Variants in RBBP4 observed in about 807,000 individuals in gnomAD.
RBBP4 encodes histone-binding protein RBBP4.
In RBBP4, 3 loss-of-function variants were observed where a neutral mutation model predicts 57.2. The observed-to-expected ratio is 0.05, with a 90% confidence interval of 0.02 to 0.14. The LOEUF (loss-of-function observed/expected upper bound fraction) is 0.14. RBBP4 is among the 10% of genes least tolerant of loss of function. The pLI, the probability that RBBP4 is intolerant of heterozygous loss-of-function variation, is 1.00. For synonymous variants in RBBP4, 151 were observed against 171.5 expected (o/e 0.88, Z 0.93); for missense variants, 107 against 520.6 (o/e 0.21, Z 7.73).
rs781046984 is a variant in RBBP4 at position 32,671,889 on chromosome 1, G to A, written c.967-561G>A. Among the ~76,000 whole-genome samples the A allele has an allele frequency of 3.8e-4, 57 of 151,994 alleles. 1 individual carries two copies. Among genetic ancestry groups the A allele is most frequent in the Non-Finnish European group, 2.2e-4 (15 of 67,988 alleles). ...GCCTGGGTGACAGAGCAAGACTTCCGTCTCAAGAAAAAGTGTGCCAAAGGG... is the reference window on the plus strand; with the variant it reads ...GCCTGGGTGACAGAGCAAGACTTCCATCTCAAGAAAAAGTGTGCCAAAGGG... On this transcript the variant is annotated intron_variant, in intron 8 of 11. Transcript: ENST00000373493.
chr1:32,651,508 C>A, intron 1 of RBBP4, 186 bp downstream of exon 1: 1 of 1,341,850 alleles, frequency 7.5e-7, no homozygotes, highest in South Asian at 2.2e-5. Flanking sequence ...CGATTTCGGT[C>A]GCAGCTGGCG....
Position 32,681,661 on chromosome 1 carries a change from T to G in RBBP4, c.*1956T>G. 1 of 768,860 alleles carries G rather than the reference T, an allele frequency of 1.3e-6. No homozygotes were observed. Among genetic ancestry groups the G allele is most frequent in the Non-Finnish European group, 2.2e-6 (1 of 461,422 alleles). 47.6% of individuals were successfully genotyped at this position (768,860 alleles called of 1,614,324 possible). A position where few individuals can be genotyped will look rare whatever the true frequency, so the allele number is the denominator to read the frequency against. ...TAGAATCCAGCAAAGAGTTGACATG[T>G]TCTGCCTCCGGCCAACTCTAGAATC... On this transcript the variant is annotated 3_prime_UTR_variant, in exon 12 of 12. Coordinates refer to ENST00000373493, the MANE Select transcript of RBBP4 (RefSeq NM_005610.3).
Position 32,670,945 on chromosome 1 carries a change from A to C in RBBP4, c.966+1382A>C, listed in dbSNP as rs952947954. The stretch of plus-strand genomic sequence containing the variant: ...CCACCTTGGTGAACATTTTATCCTT[A>C]CCCTATCTCTTTGCTTTGCTTGTGA... On this transcript the variant is annotated intron_variant, in intron 8 of 11. Transcript: ENST00000373493. Among the ~76,000 whole-genome samples the C allele has an allele frequency of 5.3e-5, 8 of 151,884 alleles. 1 individual carries two copies. The highest frequency in any genetic ancestry group is 1.9e-4 in the African/African-American group (8 of 41,232).
intron 11 of RBBP4, among the ~76,000 whole-genome samples, chr1:32,673,790 A>G (rs915123146): frequency 6.6e-6 from 1 of 152,182 alleles, no homozygotes; most frequent in South Asian, 2.1e-4. Context: ...TGTCTCATAC[A>G]TTAATATTTT....
At chr1:32,673,066 CTG>C (rs1648941931) in intron 11 of RBBP4, among the ~76,000 whole-genome samples, 165 bp downstream of exon 11, 1 of 152,212 alleles carries the variant, frequency 6.6e-6, no homozygotes, top group South Asian at 2.1e-4. Flanking sequence ...CTGCTCTTGA[CTG>C]TATTTGGTCA....
chr1:32,662,358 T>C (rs932384834), intron 3 of RBBP4: 5 of 178,476 alleles, frequency 2.8e-5, no homozygotes, highest in Non-Finnish European at 6.2e-5. Context: ...CCACACCAGC[T>C]AATTTTTGTT....
At position 32,669,947 on chromosome 1, in the gene RBBP4, G is replaced by A. The variant is rs1648802201; in HGVS notation, c.966+384G>A. Among the ~76,000 whole-genome samples, 1 of 152,206 alleles carries A rather than the reference G, an allele frequency of 6.6e-6. No homozygotes were observed. The highest frequency in any genetic ancestry group is 1.5e-5 in the Non-Finnish European group (1 of 68,034). On this transcript the variant is annotated intron_variant, in intron 8 of 11. Transcript: ENST00000373493. The surrounding 1 kb of genome is among the most constrained non-coding windows in gnomAD (Gnocchi z 4.9). ...ATGAGTGGGCACACATGTGCTTTAT[G>A]CCGTTGCTAAAAATAGAAATCTATA...
chr1:32,674,320 A>C (rs1222328110), intron 11 of RBBP4, among the ~76,000 whole-genome samples: 3 of 152,036 alleles, frequency 2.0e-5, no homozygotes, highest in Non-Finnish European at 2.9e-5. Context: ...TGCAGCCTCC[A>C]ATTCCCGGGC....
intron 11 of RBBP4, among the ~76,000 whole-genome samples, chr1:32,674,069 C>G (rs1219059090): frequency 6.6e-6 from 1 of 152,208 alleles, no homozygotes; most frequent in Non-Finnish European, 1.5e-5. Flanking sequence ...TCACTGCACT[C>G]TGGCCTGGGC....
intron 11 of RBBP4, among the ~76,000 whole-genome samples, chr1:32,678,492 GCTGGGATTA>G (rs1187935087): frequency 6.8e-6 from 1 of 146,036 alleles, no homozygotes. Flanking sequence ...CTCCCAAAAT[GCTGGGATTA>G]CAGGCGTGTG....
chr1:32,684,187 A>T lies in RBBP4; in HGVS notation c.*4482A>T. 1 of 1,605,600 alleles carries T rather than the reference A, an allele frequency of 6.2e-7. No individual in the cohort carries two copies. The highest frequency in any genetic ancestry group is 1.1e-5 in the South Asian group (1 of 90,454). The stretch of plus-strand genomic sequence containing the variant: ...TTTTTGTTTTTGATTCTAAGGTAAA[A>T]TTTTCCCTAAGCCCTCCCACCATCC... On this transcript the variant is annotated 3_prime_UTR_variant, in exon 12 of 12. Coordinates refer to ENST00000373493, the MANE Select transcript of RBBP4 (RefSeq NM_005610.3).
intron 11 of RBBP4, among the ~76,000 whole-genome samples, chr1:32,677,116 A>G (rs1649135944): frequency 6.6e-6 from 1 of 152,140 alleles, no homozygotes; most frequent in Admixed American, 6.6e-5. Flanking sequence ...GAGTTTGCAG[A>G]GTGCTAGGAG....
At chr1:32,661,801 C>T (rs1648423108) in intron 3 of RBBP4, among the ~76,000 whole-genome samples, 1 of 23,460 alleles carries the variant, frequency 4.3e-5, no homozygotes, top group Non-Finnish European at 2.3e-4. Flanking sequence ...TGATGTTGAT[C>T]TTTTTTTTTT....
Position 32,656,155 on chromosome 1 carries a change from G to C in RBBP4, c.165-1272G>C, listed in dbSNP as rs1327513375. On this transcript the variant is annotated intron_variant, in intron 2 of 11. Transcript: ENST00000373493. ...CATACTTGTTACTTAGTAGCTGTGT[G>C]ATCTTAGGCAAATTGTTTAATTTTC... is the stretch of plus-strand genomic sequence containing the variant. Among the ~76,000 whole-genome samples, 4 of 152,236 alleles carry C rather than the reference G, an allele frequency of 2.6e-5. No individual in the cohort carries two copies. In the East Asian group the frequency reaches 7.7e-4, roughly 29 times the overall value.
intron 11 of RBBP4, among the ~76,000 whole-genome samples, chr1:32,679,239 G>C (rs1649269626): frequency 6.6e-6 from 1 of 152,214 alleles, no homozygotes; most frequent in African/African-American, 2.4e-5. Flanking sequence ...ATAGGTTGCA[G>C]TGAGCCGAGA....
chr1:32,667,833 TA>T (rs1345341590), intron 3 of RBBP4, among the ~76,000 whole-genome samples: 2 of 152,224 alleles, frequency 1.3e-5, no homozygotes, highest in Non-Finnish European at 2.9e-5. Context: ...TCATATACTT[TA>T]AAATGTCTCT....
At chr1:32,657,301 C>T (rs1341456395) in intron 2 of RBBP4, 126 bp from the exon 3 acceptor site, 1 of 889,938 alleles carries the variant, frequency 1.1e-6, no homozygotes, top group African/African-American at 1.7e-5. Context: ...AGAAAAGACC[C>T]TTAATGACTT....
At chr1:32,676,040 T>G (rs1457132816) in intron 11 of RBBP4, among the ~76,000 whole-genome samples, 1 of 151,630 alleles carries the variant, frequency 6.6e-6, no homozygotes, top group East Asian at 2.0e-4. Flanking sequence ...TGAGACATGG[T>G]GGCATGTGCC....
Position 32,680,365 on chromosome 1 carries a change from T to TG in RBBP4, c.*660_*661insG. ...TTTTTTTTTTGTTGTTGGTTTTTTT[T>TG]TTTTTTTTTTTAACTTGGGACCACC... On this transcript the variant is annotated 3_prime_UTR_variant, in exon 12 of 12. Transcript: ENST00000373493. 1.8e-6 allele frequency: 2 copies of TG among 1,136,348 alleles called. No individual in the cohort carries two copies. The highest frequency in any genetic ancestry group is 2.2e-6 in the Non-Finnish European group (2 of 922,024). 70.4% of individuals were successfully genotyped at this position (1,136,348 alleles called of 1,614,324 possible).
Sources: gnomAD v4.1 joint callset for allele counts (sites outside exome capture counted in the v4.1 genomes callset) on GRCh38, gnomAD v4.1.1 for gene constraint, Gnocchi (gnomAD v3.1) non-coding constraint, MANE v1.5 for transcripts, NCBI Gene and HGNC (gene_info 2026-07-23, HGNC 2026-07-21) for gene names.